Variants in PTPN12 observed in about 807,000 individuals in gnomAD.
The protein encoded by PTPN12 is protein tyrosine phosphatase non-receptor type 12.
In PTPN12, 29 loss-of-function variants were observed where a neutral mutation model predicts 97.6. That is an observed-to-expected ratio of 0.30 (90% CI 0.22 to 0.41). The LOEUF (loss-of-function observed/expected upper bound fraction) is 0.41, where lower values mean the gene tolerates loss of function less well. Among genes scored for constraint, PTPN12 ranks in the 10% least tolerant of loss-of-function variants. PTPN12 has a pLI of 1.00. For missense variants in PTPN12, 819 were observed against 926.0 expected, an observed-to-expected ratio of 0.88 and a Z score of 1.50; for synonymous variants, 327 against 300.4, an observed-to-expected ratio of 1.09 and a Z score of -0.91.
intron 13 of PTPN12, among the ~76,000 whole-genome samples, chr7:77,629,363 G>C (rs1789317612): frequency 6.6e-6 from 1 of 152,120 alleles, no homozygotes; most frequent in African/African-American, 2.4e-5. Flanking sequence ...TACTTTACCA[G>C]TTTACCATAA....
intron 11 of PTPN12, among the ~76,000 whole-genome samples, chr7:77,616,175 C>G (rs1788743583): frequency 6.6e-6 from 1 of 152,172 alleles, no homozygotes. Context: ...TTCTTCCAAT[C>G]CTCATTCATT....
intron 2 of PTPN12, among the ~76,000 whole-genome samples, chr7:77,575,447 G>A (rs1252559528): frequency 6.6e-6 from 1 of 152,168 alleles, no homozygotes; most frequent in African/African-American, 2.4e-5. Context: ...GGTCAAGGCT[G>A]CAGTGAACTA....
chr7:77,555,377 CCTT>C (rs1015125113), intron 1 of PTPN12, among the ~76,000 whole-genome samples: 7 of 151,586 alleles, frequency 4.6e-5, no homozygotes, highest in African/African-American at 1.5e-4. Flanking sequence ...TCTTCTGTTC[CCTT>C]CTTCTCTTTC....
intron 1 of PTPN12, chr7:77,545,649 C>T (rs1055469920): frequency 6.6e-6 from 1 of 151,388 alleles, no homozygotes; most frequent in Non-Finnish European, 1.5e-5. Context: ...AAATACTTCA[C>T]CTGGAAGTTT....
chr7:77,622,863 T>C (rs1788991235), intron 12 of PTPN12, among the ~76,000 whole-genome samples: 1 of 151,530 alleles, frequency 6.6e-6, no homozygotes, highest in Non-Finnish European at 1.5e-5. Flanking sequence ...CAATAAAATT[T>C]CCAAAATAAA....
Position 77,626,707 on chromosome 7 carries a change from G to A in PTPN12, c.1028G>A (p.Cys343Tyr). Residue 343 changes from cysteine to tyrosine, a missense_variant and splice_region_variant, in exon 13 of 18, where the codon TGC becomes TAC. This residue lies in a region of PTPN12 where 607 missense variants were observed against 577.3 expected (regional missense o/e 1.05). Transcript: ENST00000248594. ...CTTTTTAAATGTTTGTTTTTCAGTT[G>A]CCTTGTTGAAGGGGATGCTAAAGAA... is the stretch of plus-strand genomic sequence containing the variant. ...PPPKPPRTRS[C>Y]LVEGDAKEEI... The A allele has an allele frequency of 6.3e-7, 1 of 1,585,836 alleles. No homozygotes were observed. Among genetic ancestry groups the A allele is most frequent in the South Asian group, 1.1e-5 (1 of 87,782 alleles).
At chr7:77,627,767 T>A (rs1339251811) in intron 13 of PTPN12, 92 bp downstream of exon 13, 4 of 1,282,174 alleles carry the variant, frequency 3.1e-6, no homozygotes, top group Non-Finnish European at 4.1e-6. Flanking sequence ...TATGTTTTAT[T>A]CCACACTCTA....
At chr7:77,622,455 ATAAG>A (rs1345807162) in intron 12 of PTPN12, among the ~76,000 whole-genome samples, 2 of 152,340 alleles carry the variant, frequency 1.3e-5, no homozygotes, top group East Asian at 3.9e-4. Context: ...ACTGTGGGTA[ATAAG>A]TAAGAAGCTC....
At chr7:77,576,696 C>G (rs1186511250) in intron 2 of PTPN12, among the ~76,000 whole-genome samples, 1 of 147,102 alleles carries the variant, frequency 6.8e-6, no homozygotes, top group Admixed American at 6.8e-5. Flanking sequence ...GACACTGTCT[C>G]AAAAAAAAAA....
rs202223509 is a variant in PTPN12, at chr7:77,610,875, A to G, written c.840+33A>G. The G allele has an allele frequency of 9.5e-6, 15 of 1,586,824 alleles. No individual in the cohort carries two copies. The East Asian group carries it at 3.1e-4, about 33-fold the overall frequency. On this transcript the variant is annotated intron_variant, in intron 10 of 17. Coordinates refer to ENST00000248594, the MANE Select transcript of PTPN12 (RefSeq NM_002835.4). Reference sequence around the variant, plus strand: ...TGTTTGTTTCCCTTTATAAACTGCTATTTTATAAATGCTTTCTTCTTTTTT... The same window carrying G: ...TGTTTGTTTCCCTTTATAAACTGCTGTTTTATAAATGCTTTCTTCTTTTTT...
At chr7:77,617,408 T>TATATATTATATATATA (rs1788789211) in intron 11 of PTPN12, among the ~76,000 whole-genome samples, 1 of 152,190 alleles carries the variant, frequency 6.6e-6, no homozygotes, top group African/African-American at 2.4e-5. Flanking sequence ...AACTATTAAT[T>TATATATTATATATATA]CATCAGATTA....
At chr7:77,595,315 TA>T (rs1787990351) in intron 6 of PTPN12, among the ~76,000 whole-genome samples, 1 of 152,226 alleles carries the variant, frequency 6.6e-6, no homozygotes, top group Admixed American at 6.5e-5. Flanking sequence ...AGCATGTTGG[TA>T]AAAATATTCG....
At position 77,627,117 on chromosome 7, in the gene PTPN12, G is replaced by A; in HGVS notation, c.1438G>A (p.Glu480Lys). 6.2e-7 allele frequency: 1 copy of A among 1,614,090 alleles called. No homozygotes were observed. Among genetic ancestry groups the A allele is most frequent in the South Asian group, 1.1e-5 (1 of 91,070 alleles). Residue 480 changes from glutamate (E) to lysine (K), a missense_variant, in exon 13 of 18, where the codon GAA becomes AAA. By Grantham distance (56) the Glu-to-Lys change is moderately conservative. Around this residue, in one of 5 missense-constraint regions of PTPN12, gnomAD observed 607 missense variants for 577.3 expected, o/e 1.05. Transcript: ENST00000248594. ...AGCTGATAAAATCTCTAAGCCACAG[G>A]AATTAAGTTCAGATCTAAATGTCGG... is the stretch of plus-strand genomic sequence containing the variant. ...CIADKISKPQ[E>K]LSSDLNVGDT...
intron 2 of PTPN12, among the ~76,000 whole-genome samples, chr7:77,573,082 C>CAAAACAAAACAAAA (rs1787203389): frequency 2.7e-5 from 1 of 36,380 alleles, no homozygotes; most frequent in African/African-American, 2.3e-4. Flanking sequence ...GACTCTATCT[C>CAAAACAAAACAAAA]AAAAAAAAAA....
chr7:77,607,028 A>T, intron 8 of PTPN12: 1 of 381,794 alleles, frequency 2.6e-6, no homozygotes, highest in South Asian at 4.7e-5. Flanking sequence ...TACATATAGG[A>T]AAAATCATAG....
chr7:77,556,886 C>G (rs1807740110), intron 1 of PTPN12, among the ~76,000 whole-genome samples: 1 of 151,924 alleles, frequency 6.6e-6, no homozygotes, highest in Non-Finnish European at 1.5e-5. Flanking sequence ...ACTATGAGAA[C>G]CTGGTAGAGC....
chr7:77,581,576 T>C (rs1243221287), intron 3 of PTPN12, 73 bp downstream of exon 3: 5 of 856,388 alleles, frequency 5.8e-6, no homozygotes, highest in African/African-American at 5.3e-5. Context: ...GTAAAAACTT[T>C]TTGAATTGCT....
At chr7:77,558,402 T>C in intron 1 of PTPN12, among the ~76,000 whole-genome samples, 1 of 152,172 alleles carries the variant, frequency 6.6e-6, no homozygotes, top group Non-Finnish European at 1.5e-5. Context: ...TTTAGGGATC[T>C]TTCCGTAAAA....
Position 77,618,474 on chromosome 7 carries a change from TGGC to T in PTPN12, c.940-5_940-3del. On this transcript the variant is annotated splice_polypyrimidine_tract_variant and splice_region_variant and intron_variant, in intron 11 of 17. Coordinates refer to ENST00000248594, the MANE Select transcript of PTPN12 (RefSeq NM_002835.4). ...AACCTTAGTGAAGTATTTTTTCCCT[TGGC>T]AGAATGAAATTAACACTGAAAACAT... 1 of 1,566,488 alleles carries T rather than the reference TGGC, an allele frequency of 6.4e-7. No individual in the cohort carries two copies. Among genetic ancestry groups the T allele is most frequent in the South Asian group, 1.2e-5 (1 of 85,252 alleles).
Sources: allele counts gnomAD v4.1 joint callset (sites outside exome capture counted in the v4.1 genomes callset), GRCh38; gene constraint gnomAD v4.1.1; regional missense constraint gnomAD v4.1.1; transcripts MANE v1.5; gene names NCBI Gene and HGNC (gene_info 2026-07-23, HGNC 2026-07-21).